MARCHF6: variants seen among roughly 807,000 people sequenced by gnomAD.
The protein encoded by MARCHF6 is E3 ubiquitin-protein ligase MARCHF6.
Under a neutral mutation model 133.7 loss-of-function variants are expected in MARCHF6, and 31 were observed. The ratio of observed to expected loss-of-function variants is 0.23; its 90% CI spans 0.17 to 0.31. MARCHF6 has a LOEUF of 0.31. Ranked by LOEUF, MARCHF6 falls within the 10% of genes least tolerant of loss-of-function variation. MARCHF6 has a pLI of 1.00. For synonymous variants in MARCHF6, 395 were observed against 402.5 expected, an observed-to-expected ratio of 0.98 and a Z score of 0.22; for missense variants, 723 against 1,121.6, an observed-to-expected ratio of 0.64 and a Z score of 5.08.
intron 24 of MARCHF6, 57 bp downstream of exon 24, chr5:10,426,579 C>G (rs964433387): frequency 1.9e-6 from 3 of 1,558,994 alleles, no homozygotes; most frequent in African/African-American, 2.7e-5. Flanking sequence ...ATTGGACATT[C>G]TCTTTACCCC....
chr5:10,398,111 G>A (rs757673295), intron 10 of MARCHF6, among the ~76,000 whole-genome samples: 2 of 152,140 alleles, frequency 1.3e-5, no homozygotes, highest in Non-Finnish European at 2.9e-5. Flanking sequence ...AGAGACTTCA[G>A]GCAACATATC....
intron 1 of MARCHF6, among the ~76,000 whole-genome samples, chr5:10,358,883 A>G (rs556767168): frequency 1.2e-4 from 18 of 152,358 alleles, no homozygotes; most frequent in South Asian, 2.1e-4. Context: ...CAAACATGTA[A>G]TGGAGACTGT....
Position 10,407,963 on chromosome 5 carries a change from C to CG in MARCHF6, c.1553+761_1553+762insG, listed in dbSNP as rs1554024174. On this transcript the variant is annotated intron_variant, in intron 17 of 25. Transcript: ENST00000274140. ...AAGAGTGAAACTGCATCCCCCCCCC[C>CG]CCAAAAAAAAAAGCCATCCGGAAAC... Among the ~76,000 whole-genome samples the CG allele has an allele frequency of 2.1e-3, 297 of 143,178 alleles. 4 individuals carry two copies. Among genetic ancestry groups the CG allele is most frequent in the African/African-American group, 7.1e-3 (282 of 39,446 alleles). 93.9% of individuals were successfully genotyped at this position (143,178 alleles called of 152,430 possible).
chr5:10,391,436 GTTTTTTTTT>G lies in MARCHF6; in HGVS notation c.577-86_577-78del, dbSNP rs35378319. On this transcript the variant is annotated intron_variant, in intron 6 of 25. Transcript: ENST00000274140. ...GCATGAGCCACTACACCTGGCCTAG[GTTTTTTTTT>G]TTTTTTTTTTTTTTTTTTTAGCAGG... 29 of 306,390 alleles carry G rather than the reference GTTTTTTTTT, an allele frequency of 9.5e-5. 1 individual carries two copies. In the Admixed American group the frequency reaches 1.1e-3, roughly 12 times the overall value. The allele number at this position is 306,390 out of a possible 1,614,324, so 19.0% of individuals were successfully genotyped here. A position where few individuals can be genotyped will look rare whatever the true frequency, so the allele number is the denominator to read the frequency against.
chr5:10,377,362 T>A (rs768702886), intron 1 of MARCHF6, among the ~76,000 whole-genome samples: 1 of 152,196 alleles, frequency 6.6e-6, no homozygotes. Flanking sequence ...TTCTAACTGC[T>A]GTTATTGTGG....
rs769926177 is a variant in MARCHF6, at chr5:10,400,775, C to A, written c.914-9C>A. On this transcript the variant is annotated splice_polypyrimidine_tract_variant and intron_variant, in intron 10 of 25. Transcript: ENST00000274140. The stretch of plus-strand genomic sequence containing the variant: ...CGGAGTTTTCATGGAATTTTTTCCC[C>A]CTTTTTAGCATTTTGCCCTTACCAT... The A allele has an allele frequency of 1.9e-6, 3 of 1,609,796 alleles. No homozygotes were observed. Among genetic ancestry groups the A allele is most frequent in the Non-Finnish European group, 2.6e-6 (3 of 1,176,450 alleles).
At chr5:10,417,143 A>C (rs908179300) in intron 21 of MARCHF6, 127 bp from the exon 22 acceptor site, 6 of 1,054,610 alleles carry the variant, frequency 5.7e-6, no homozygotes, top group Non-Finnish European at 8.2e-6. Flanking sequence ...TCCTAAAACC[A>C]GTCCCCGTGG....
At chr5:10,361,352 T>C (rs900962459) in intron 1 of MARCHF6, among the ~76,000 whole-genome samples, 2 of 152,208 alleles carry the variant, frequency 1.3e-5, no homozygotes, top group African/African-American at 2.4e-5. Context: ...AGAAATTTGT[T>C]TTCTCAACTC....
At chr5:10,422,059 G>T (rs1739852555) in intron 22 of MARCHF6, 2 of 152,230 alleles carry the variant, frequency 1.3e-5, no homozygotes, top group South Asian at 4.1e-4. Context: ...AGTGCAGTAT[G>T]TTCACACGCA....
At chr5:10,419,757 G>GTTGATCAGTCTTCAGTTGCTATTGC (rs1664354870) in intron 22 of MARCHF6, among the ~76,000 whole-genome samples, 1 of 152,126 alleles carries the variant, frequency 6.6e-6, no homozygotes, top group Non-Finnish European at 1.5e-5. Context: ...CAGATGAAAG[G>GTTGATCAGTCTTCAGTTGCTATTGC]TTGATCAGTC....
chr5:10,394,254 TACTAG>T (rs1738043859), intron 8 of MARCHF6, 111 bp downstream of exon 8: 1 of 551,828 alleles, frequency 1.8e-6, no homozygotes, highest in Non-Finnish European at 3.0e-6. Context: ...GATGAAAAGT[TACTAG>T]AATTTTCATT....
chr5:10,383,528 G>A (rs1737280513), intron 4 of MARCHF6, among the ~76,000 whole-genome samples: 1 of 152,130 alleles, frequency 6.6e-6, no homozygotes, highest in Admixed American at 6.5e-5. Flanking sequence ...CTTAAAATTA[G>A]CAATGTTGAA....
intron 6 of MARCHF6, 78 bp from the exon 7 acceptor site, chr5:10,391,464 T>TGGGGG: frequency 2.3e-6 from 1 of 431,754 alleles, no homozygotes; most frequent in Non-Finnish European, 4.0e-6. Context: ...TTTTTTTTTT[T>TGGGGG]AGCAGGAATA....
chr5:10,389,812 A>C (rs1001523020), intron 5 of MARCHF6, among the ~76,000 whole-genome samples: 1 of 152,168 alleles, frequency 6.6e-6, no homozygotes, highest in Admixed American at 6.5e-5. Flanking sequence ...TATCTGGAGG[A>C]GCTTCTCCTC....
At chr5:10,392,054 G>C (rs920018648) in intron 7 of MARCHF6, among the ~76,000 whole-genome samples, 2 of 151,696 alleles carry the variant, frequency 1.3e-5, no homozygotes, top group African/African-American at 4.8e-5. Context: ...CGCCTCCTGG[G>C]TTCACGCCAT....
At position 10,394,799 on chromosome 5, in the gene MARCHF6, A is replaced by ATT. The variant is rs201911419; in HGVS notation, c.861+31_861+32dup. The ATT allele has an allele frequency of 8.8e-3, 10,685 of 1,218,330 alleles. 3 individuals are homozygous for ATT. The highest frequency in any genetic ancestry group is 0.014 in the African/African-American group (856 of 59,990). The allele number at this position is 1,218,330 out of a possible 1,614,324, so 75.5% of individuals were successfully genotyped here. A position where few individuals can be genotyped will look rare whatever the true frequency, so the allele number is the denominator to read the frequency against. On this transcript the variant is annotated intron_variant, in intron 9 of 25. Transcript: ENST00000274140. ...CTAGTTTTTCTGGTAAGTAAAACTA[A>ATT]TTTTTTTTTTTTTTTTTTGAGACGG...
rs576670190 is a variant in MARCHF6 at position 10,414,532 on chromosome 5, A to G, written c.1966+30A>G. 9.2e-5 allele frequency: 140 copies of G among 1,527,548 alleles called. 1 individual carries two copies. In the South Asian group the frequency reaches 1.1e-3, roughly 12 times the overall value. The allele number at this position is 1,527,548 out of a possible 1,614,324, so 94.6% of individuals were successfully genotyped here. A position where few individuals can be genotyped will look rare whatever the true frequency, so the allele number is the denominator to read the frequency against. The stretch of plus-strand genomic sequence containing the variant: ...GAGCTTGTGCTAGCCTTCAGCTAAT[A>G]GCATCATTAAGGTTATTTATTTAGC... On this transcript the variant is annotated intron_variant, in intron 20 of 25. Transcript: ENST00000274140.
At chr5:10,405,753 C>A in intron 16 of MARCHF6, 76 bp downstream of exon 16, 4 of 1,322,982 alleles carry the variant, frequency 3.0e-6, no homozygotes, top group Non-Finnish European at 4.0e-6. Context: ...GTTTTTTTTT[C>A]CAGTTCTCAA....
intron 4 of MARCHF6, 102 bp from the exon 5 acceptor site, chr5:10,386,892 A>G (rs1737511329): frequency 1.3e-6 from 1 of 799,236 alleles, no homozygotes; most frequent in South Asian, 1.4e-5. Flanking sequence ...TGTTTATTTC[A>G]GTGGCATTTG....
Sources: gnomAD v4.1 joint callset for allele counts (sites outside exome capture counted in the v4.1 genomes callset) on GRCh38, gnomAD v4.1.1 for gene constraint, MANE v1.5 for transcripts, NCBI Gene and HGNC (gene_info 2026-07-23, HGNC 2026-07-21) for gene names.